SNTG2: variants seen among roughly 807,000 people sequenced by gnomAD.
The protein encoded by SNTG2 is syntrophin gamma 2.
SNTG2 carries 74 observed loss-of-function variants against 70.9 expected under a neutral mutation model. That is an observed-to-expected ratio of 1.04 (90% CI 0.86 to 1.27). The LOEUF (loss-of-function observed/expected upper bound fraction) is 1.27. Among genes scored for constraint, SNTG2 ranks in the 50% most tolerant of loss-of-function variants. The pLI is 0.00. For synonymous variants in SNTG2, 278 were observed against 273.8 expected (o/e 1.02, Z -0.15); for missense variants, 717 against 690.7 (o/e 1.04, Z -0.43).
At chr2:1,048,847 CTT>C (rs1215919994) in intron 1 of SNTG2, among the ~76,000 whole-genome samples, 11 of 152,110 alleles carry the variant, frequency 7.2e-5, no homozygotes, top group Non-Finnish European at 1.3e-4. Context: ...CATTCACCCT[CTT>C]TGATTTTGTT....
At chr2:1,195,442 G>A (rs1672851685) in intron 8 of SNTG2, among the ~76,000 whole-genome samples, 1 of 152,176 alleles carries the variant, frequency 6.6e-6, no homozygotes, top group Admixed American at 6.5e-5. Context: ...GTATCTCATT[G>A]TGGTTTTGAT....
chr2:1,126,904 C>T (rs763890541), intron 4 of SNTG2, among the ~76,000 whole-genome samples: 1 of 152,032 alleles, frequency 6.6e-6, no homozygotes, highest in African/African-American at 2.4e-5. Flanking sequence ...ATATTTTCTC[C>T]CATTCCGTGG....
chr2:1,360,612 T>C (rs1389918909), intron 16 of SNTG2, among the ~76,000 whole-genome samples: 2 of 151,508 alleles, frequency 1.3e-5, no homozygotes, highest in Non-Finnish European at 2.9e-5. Flanking sequence ...GAGGCTACTC[T>C]AGTGTTTTTA....
intron 14 of SNTG2, among the ~76,000 whole-genome samples, chr2:1,279,931 T>C (rs1403802419): frequency 6.6e-6 from 1 of 152,238 alleles, no homozygotes; most frequent in Non-Finnish European, 1.5e-5. Flanking sequence ...CACTGAACCT[T>C]CCTAAGAATT....
chr2:1,182,334 T>A (rs1434185898), intron 8 of SNTG2, among the ~76,000 whole-genome samples: 1 of 123,220 alleles, frequency 8.1e-6, no homozygotes, highest in Non-Finnish European at 1.7e-5. Context: ...TGATAGTAAA[T>A]CCCTGCTTTT....
rs551231687 is a variant in SNTG2 at position 1,125,794 on chromosome 2, A to G, written c.326-11828A>G. 2.6e-5 allele frequency among the ~76,000 whole-genome samples: 4 copies of G among 152,320 alleles called. No individual in the cohort carries two copies. In the South Asian group the frequency reaches 8.3e-4, roughly 32 times the overall value. On this transcript the variant is annotated intron_variant, in intron 4 of 16. Coordinates refer to ENST00000308624, the MANE Select transcript of SNTG2 (RefSeq NM_018968.4). ...CAGTTAGTAAATTTCAGAACAGGAT[A>G]TGATGATAGAATGAATGACAGAAGT...
At chr2:1,263,440 T>C (rs1665272112) in intron 13 of SNTG2, among the ~76,000 whole-genome samples, 1 of 152,206 alleles carries the variant, frequency 6.6e-6, no homozygotes, top group African/African-American at 2.4e-5. Flanking sequence ...TTATTGTTGC[T>C]ATAATTGTTT....
intron 1 of SNTG2, among the ~76,000 whole-genome samples, chr2:1,009,142 G>A (rs1258473218): frequency 2.2e-5 from 3 of 133,810 alleles, no homozygotes; most frequent in African/African-American, 5.3e-5. Context: ...TCGTGTGTAT[G>A]GCAGCCACAC....
In SNTG2 at chr2:1,106,336, C is replaced by T. The variant is rs1266474478; in HGVS notation, c.325+7926C>T. ...GAGAGCTCCTTGATAATAATGGACA[C>T]GTGCTGTCACTCGGTGCAGGGTATG... On this transcript the variant is annotated intron_variant, in intron 4 of 16. Transcript: ENST00000308624. Among the ~76,000 whole-genome samples the T allele has an allele frequency of 1.9e-4, 23 of 123,448 alleles. 1 individual carries two copies. Among genetic ancestry groups the T allele is most frequent in the Non-Finnish European group, 1.9e-4 (11 of 59,060 alleles). The allele number at this position is 123,448 out of a possible 152,430, so 81.0% of individuals were successfully genotyped here. A position where few individuals can be genotyped will look rare whatever the true frequency, so the allele number is the denominator to read the frequency against.
chr2:1,081,858 G>A, intron 1 of SNTG2, among the ~76,000 whole-genome samples: 1 of 152,264 alleles, frequency 6.6e-6, no homozygotes, highest in East Asian at 1.9e-4. Context: ...CTTATGCTGG[G>A]TGAGGTGTGG....
At chr2:1,248,216 T>C (rs1450172434) in intron 12 of SNTG2, among the ~76,000 whole-genome samples, 2 of 152,204 alleles carry the variant, frequency 1.3e-5, no homozygotes, top group African/African-American at 2.4e-5. Context: ...TTGATAAGGA[T>C]GGCTTTTTAA....
intron 8 of SNTG2, 44 bp downstream of exon 8, chr2:1,173,227 T>G (rs749235489): frequency 3.3e-6 from 5 of 1,518,942 alleles, no homozygotes; most frequent in East Asian, 4.5e-5. Flanking sequence ...AACAGAAATA[T>G]CAGTAGCCCA....
chr2:1,255,375 A>C (rs1368685868), intron 12 of SNTG2, among the ~76,000 whole-genome samples: 1 of 152,090 alleles, frequency 6.6e-6, no homozygotes, highest in Non-Finnish European at 1.5e-5. Flanking sequence ...CAAGAACACC[A>C]ATGTACCTAT....
intron 11 of SNTG2, chr2:1,242,819 A>G (rs767246988): frequency 6.6e-6 from 1 of 151,986 alleles, no homozygotes; most frequent in African/African-American, 2.4e-5. Flanking sequence ...AAAGAAGAGG[A>G]CTCTCTTATA....
Position 1,367,117 on chromosome 2 carries a change from C to T in SNTG2, c.1489-226C>T, listed in dbSNP as rs182919458. The stretch of plus-strand genomic sequence containing the variant: ...GAAAACAAGTAAGTTACATTCTCAG[C>T]GTTGTAATAAAAAATACCCAGTATA... On this transcript the variant is annotated intron_variant, in intron 16 of 16. Transcript: ENST00000308624. Among the ~76,000 whole-genome samples, 24 of 152,252 alleles carry T rather than the reference C, an allele frequency of 1.6e-4. No homozygotes were observed. In the East Asian group the frequency reaches 1.9e-3, roughly 12 times the overall value.
intron 8 of SNTG2, among the ~76,000 whole-genome samples, chr2:1,191,921 A>C (rs1672619609): frequency 6.6e-6 from 1 of 152,024 alleles, no homozygotes; most frequent in Non-Finnish European, 1.5e-5. Flanking sequence ...TTATGTATAT[A>C]TAAAATACAA....
intron 16 of SNTG2, among the ~76,000 whole-genome samples, chr2:1,351,442 G>GA (rs1177124829): frequency 6.6e-6 from 1 of 152,148 alleles, no homozygotes; most frequent in Non-Finnish European, 1.5e-5. Context: ...GAACACCAAG[G>GA]AAAGTATCCC....
intron 1 of SNTG2, among the ~76,000 whole-genome samples, chr2:1,025,981 A>G (rs902475267): frequency 2.0e-5 from 3 of 152,250 alleles, no homozygotes; most frequent in Non-Finnish European, 2.9e-5. Context: ...TGTTAAGCCC[A>G]GGAGTTTTAA....
intron 1 of SNTG2, among the ~76,000 whole-genome samples, chr2:988,152 G>A (rs762321292): frequency 6.6e-6 from 1 of 152,354 alleles, no homozygotes; most frequent in South Asian, 2.1e-4. Context: ...GAGGAAACAA[G>A]GCTTTCTTGG....
Sources: gnomAD v4.1 joint callset for allele counts (sites outside exome capture counted in the v4.1 genomes callset) on GRCh38, gnomAD v4.1.1 for gene constraint, MANE v1.5 for transcripts, NCBI Gene and HGNC (gene_info 2026-07-23, HGNC 2026-07-21) for gene names.